Variants in RNFT2 observed in about 807,000 individuals in gnomAD.
RNFT2 encodes the protein E3 ubiquitin-protein ligase RNFT2.
Under a neutral mutation model 53.0 loss-of-function variants are expected in RNFT2, and 36 were observed. The observed-to-expected ratio is 0.68, with a 90% CI of 0.52 to 0.90. The LOEUF is 0.90. RNFT2 is among the 40% of genes least tolerant of loss of function. The probability of loss-of-function intolerance (pLI) is 0.00; values close to 1 mark genes in which losing one functional copy is unlikely to be tolerated. For synonymous variants in RNFT2, 260 were observed against 253.2 expected (o/e 1.03, Z -0.26); for missense variants, 514 against 585.6 (o/e 0.88, Z 1.26).
At chr12:116,749,530 T>C (rs1872072733) in intron 3 of RNFT2, among the ~76,000 whole-genome samples, 1 of 152,038 alleles carries the variant, frequency 6.6e-6, no homozygotes, top group South Asian at 2.1e-4. Flanking sequence ...TCTTCCCACC[T>C]CTGACTCCCA....
At chr12:116,829,532 G>T (rs1876526263) in intron 7 of RNFT2, among the ~76,000 whole-genome samples, 2 of 152,126 alleles carry the variant, frequency 1.3e-5, no homozygotes, top group African/African-American at 4.8e-5. Flanking sequence ...GCCCTTTCTT[G>T]GTCCTTGGTA....
intron 7 of RNFT2, among the ~76,000 whole-genome samples, chr12:116,797,419 G>A (rs1592964267): frequency 6.6e-6 from 1 of 152,174 alleles, no homozygotes; most frequent in East Asian, 1.9e-4. Context: ...AATTAGCCAG[G>A]TTTGGTGGCG....
At chr12:116,814,468 G>A (rs1565868225) in intron 7 of RNFT2, among the ~76,000 whole-genome samples, 3 of 152,148 alleles carry the variant, frequency 2.0e-5, no homozygotes, top group African/African-American at 7.2e-5. Flanking sequence ...GGAAGCAAGG[G>A]AGTGTGCCAT....
At chr12:116,766,116 T>A (rs1592946132) in intron 5 of RNFT2, among the ~76,000 whole-genome samples, 9 of 138,746 alleles carry the variant, frequency 6.5e-5, no homozygotes, top group Admixed American at 5.5e-4. Flanking sequence ...TAAAAAAAAA[T>A]AAAAATTTTT....
intron 7 of RNFT2, among the ~76,000 whole-genome samples, chr12:116,810,917 G>A (rs879629751): frequency 2.6e-5 from 4 of 152,178 alleles, no homozygotes; most frequent in Non-Finnish European, 5.9e-5. Context: ...TGGCCTCAGG[G>A]AGCCCACTGA....
At chr12:116,827,352 AC>A (rs1476393934) in intron 7 of RNFT2, among the ~76,000 whole-genome samples, 1 of 152,192 alleles carries the variant, frequency 6.6e-6, no homozygotes. Flanking sequence ...GTTAGCTGAG[AC>A]CCAAAAGATG....
chr12:116,768,434 C>T (rs748900193), intron 6 of RNFT2, among the ~76,000 whole-genome samples: 2 of 152,108 alleles, frequency 1.3e-5, no homozygotes, highest in African/African-American at 2.4e-5. Flanking sequence ...TCATGTGTCA[C>T]GTAATGATGT....
chr12:116,739,745 A>C (rs1000653651), intron 1 of RNFT2, among the ~76,000 whole-genome samples: 3 of 152,242 alleles, frequency 2.0e-5, no homozygotes, highest in African/African-American at 7.2e-5. Context: ...GAGGAAATGC[A>C]GTTGGAAACA....
intron 7 of RNFT2, among the ~76,000 whole-genome samples, chr12:116,805,256 C>G (rs374900190): frequency 6.6e-6 from 1 of 151,744 alleles, no homozygotes; most frequent in Non-Finnish European, 1.5e-5. Context: ...GAGGTAATAG[C>G]GGGCAGTTCT....
rs568659256 is a variant in RNFT2, at chr12:116,740,455, G to A, written c.-43G>A. On this transcript the variant is annotated 5_prime_UTR_variant, in exon 2 of 11. Transcript: ENST00000257575. Reference sequence around the variant, plus strand: ...TGGTCACATCCCCCTGAGGATTCCCGAATGCCTACCTCCAGTGTCGTCAAC... The same window carrying A: ...TGGTCACATCCCCCTGAGGATTCCCAAATGCCTACCTCCAGTGTCGTCAAC... 24 of 1,559,306 alleles carry A rather than the reference G, an allele frequency of 1.5e-5. No homozygotes were observed. Among genetic ancestry groups the A allele is most frequent in the East Asian group, 1.4e-4 (6 of 42,156 alleles).
At chr12:116,764,420 C>A (rs769959799) in intron 5 of RNFT2, among the ~76,000 whole-genome samples, 10 of 152,070 alleles carry the variant, frequency 6.6e-5, no homozygotes, top group African/African-American at 2.4e-4. Context: ...CTTCACTGAC[C>A]CTTCTATAGC....
chr12:116,775,936 G>A (rs949115648), intron 6 of RNFT2, among the ~76,000 whole-genome samples: 6 of 151,998 alleles, frequency 3.9e-5, no homozygotes, highest in Non-Finnish European at 1.5e-5. Context: ...CCAGCTACTC[G>A]GGAGGCTGAG....
In RNFT2 at chr12:116,851,479, C is replaced by A; in HGVS notation, c.*2031C>A. 2.2e-6 allele frequency: 1 copy of A among 462,610 alleles called. No individual in the cohort carries two copies. The highest frequency in any genetic ancestry group is 3.9e-6 in the Non-Finnish European group (1 of 254,278). The allele number at this position is 462,610 out of a possible 1,614,324, so 28.7% of individuals were successfully genotyped here. On this transcript the variant is annotated 3_prime_UTR_variant, in exon 11 of 11. Coordinates refer to ENST00000257575, the MANE Select transcript of RNFT2 (RefSeq NM_001382266.1). Reference sequence around the variant, plus strand: ...AGAGGCCGGGTGTGGTGGCCCATGCCTGTAGTGCCAGCATTTTGGGAGGCT... The same window carrying A: ...AGAGGCCGGGTGTGGTGGCCCATGCATGTAGTGCCAGCATTTTGGGAGGCT...
chr12:116,795,192 G>A (rs927034376), intron 7 of RNFT2, among the ~76,000 whole-genome samples: 4 of 152,022 alleles, frequency 2.6e-5, no homozygotes, highest in Non-Finnish European at 5.9e-5. Flanking sequence ...GATCACCTGG[G>A]GTCAGGAGTT....
intron 10 of RNFT2, among the ~76,000 whole-genome samples, chr12:116,841,850 T>A (rs1280515078): frequency 4.1e-5 from 1 of 24,198 alleles, no homozygotes; most frequent in African/African-American, 1.5e-4. Flanking sequence ...TATATAAATA[T>A]ATATAAAAAT....
intron 7 of RNFT2, among the ~76,000 whole-genome samples, chr12:116,812,714 A>C (rs1875449967): frequency 6.6e-6 from 1 of 151,820 alleles, no homozygotes; most frequent in Non-Finnish European, 1.5e-5. Context: ...TTGTATTTTT[A>C]GTAGAGATGG....
intron 9 of RNFT2, 52 bp from the exon 10 acceptor site, chr12:116,836,129 C>T (rs1484911582): frequency 5.7e-6 from 9 of 1,591,770 alleles, no homozygotes; most frequent in Non-Finnish European, 6.9e-6. Flanking sequence ...CTCCTGAGGG[C>T]GTAGTTCCCA....
intron 4 of RNFT2, among the ~76,000 whole-genome samples, chr12:116,750,906 ATATTT>A (rs1263560684): frequency 0.14 from 8,957 of 62,654 alleles, 715 homozygotes; most frequent in South Asian, 0.28. Context: ...ATATATATAT[ATATTT>A]TTTTTTGAGA....
At position 116,829,383 on chromosome 12, in the gene RNFT2, C is replaced by T. The variant is rs142782734; in HGVS notation, c.883-4409C>T. 2.2e-3 allele frequency among the ~76,000 whole-genome samples: 334 copies of T among 152,244 alleles called. 3 individuals carry two copies. The highest frequency in any genetic ancestry group is 0.02 in the Middle Eastern group (6 of 294). ...GTTCCAGAGGGAAACCAGCATTTCC[C>T]TCCAGGGGATGTTTCTGGGGCTCAG... On this transcript the variant is annotated intron_variant, in intron 7 of 10. Coordinates refer to ENST00000257575, the MANE Select transcript of RNFT2 (RefSeq NM_001382266.1).
Sources: gnomAD v4.1 joint callset for allele counts (sites outside exome capture counted in the v4.1 genomes callset) on GRCh38, gnomAD v4.1.1 for gene constraint, MANE v1.5 for transcripts, NCBI Gene and HGNC (gene_info 2026-07-23, HGNC 2026-07-21) for gene names.